The following NAALADL2 variants were observed in gnomAD, a reference collection of about 807,000 sequenced individuals.
The protein encoded by NAALADL2 is N-acetylated alpha-linked acidic dipeptidase like 2.
Under a neutral mutation model 87.2 loss-of-function variants are expected in NAALADL2, and 76 were observed. The observed-to-expected ratio is 0.87, with a 90% confidence interval of 0.72 to 1.05. The LOEUF is 1.05. NAALADL2 is among the 50% of genes least tolerant of loss of function. NAALADL2 has a pLI of 0.00. For synonymous variants in NAALADL2, 354 were observed against 331.0 expected, an observed-to-expected ratio of 1.07 and a Z score of -0.75; for missense variants, 1,089 against 945.8, an observed-to-expected ratio of 1.15 and a Z score of -1.99.
At chr3:174,997,057 TA>T (rs1451122878) in intron 1 of NAALADL2, among the ~76,000 whole-genome samples, 14 of 143,316 alleles carry the variant, frequency 9.8e-5, no homozygotes, top group South Asian at 6.5e-4. Flanking sequence ...TATATATATA[TA>T]TTTTTTTTTT....
chr3:174,846,650 A>G (rs906610634), intron 3 of NAALADL2, among the ~76,000 whole-genome samples: 3 of 152,224 alleles, frequency 2.0e-5, no homozygotes, highest in African/African-American at 7.2e-5. Flanking sequence ...TTATGTATGT[A>G]TGATATATTC....
chr3:175,378,056 C>T (rs1332600855), intron 5 of NAALADL2, among the ~76,000 whole-genome samples: 1 of 149,734 alleles, frequency 6.7e-6, no homozygotes, highest in African/African-American at 2.5e-5. Flanking sequence ...GAGCTGTTAA[C>T]ACTTAAGCCG....
chr3:174,596,473 C>G (rs2108598465), intron 2 of NAALADL2, among the ~76,000 whole-genome samples: 1 of 152,264 alleles, frequency 6.6e-6, no homozygotes, highest in Non-Finnish European at 1.5e-5. Context: ...TTAGCTGTAT[C>G]AGAACCACTT....
chr3:174,686,273 T>C (rs563699857), intron 2 of NAALADL2, among the ~76,000 whole-genome samples: 6 of 152,304 alleles, frequency 3.9e-5, no homozygotes, highest in African/African-American at 1.4e-4. Flanking sequence ...TGAACTAATT[T>C]ACACTCCCAC....
At chr3:175,259,107 C>T (rs1750577949) in intron 4 of NAALADL2, among the ~76,000 whole-genome samples, 1 of 152,150 alleles carries the variant, frequency 6.6e-6, no homozygotes, top group Non-Finnish European at 1.5e-5. Context: ...GATCCAAAGG[C>T]AGCTTTAAAC....
rs1560510672 is a variant in NAALADL2, at chr3:175,412,929, T to TA, written c.1091-34300_1091-34299insA. Among the ~76,000 whole-genome samples, 495 of 146,612 alleles carry TA rather than the reference T, an allele frequency of 3.4e-3. 4 individuals are homozygous for TA. The highest frequency in any genetic ancestry group is 0.011 in the African/African-American group (454 of 40,350). ...TTATTATTATTATTATTATTATTAT[T>TA]TTTGAGACGGAGTCTCCCTCTGTCT... On this transcript the variant is annotated intron_variant, in intron 5 of 13. Transcript: ENST00000454872.
intron 3 of NAALADL2, among the ~76,000 whole-genome samples, chr3:175,243,440 T>G (rs1560219374): frequency 6.6e-6 from 1 of 151,404 alleles, no homozygotes; most frequent in African/African-American, 2.4e-5. Flanking sequence ...CTCCCACAGT[T>G]CCTCAGGAAA....
chr3:175,269,153 G>C (rs1275819798), intron 4 of NAALADL2, among the ~76,000 whole-genome samples: 1 of 151,908 alleles, frequency 6.6e-6, no homozygotes, highest in South Asian at 2.1e-4. Context: ...TGACCGGGCT[G>C]GTCTTGAACT....
chr3:175,667,163 AAGAAAGAAAGAAAGAAAG>A (rs1733135262), intron 11 of NAALADL2, among the ~76,000 whole-genome samples: 2 of 134,648 alleles, frequency 1.5e-5, no homozygotes, highest in South Asian at 2.3e-4. Context: ...GAGAAAGAAA[AAGAAAGAAAGAAAGAAAG>A]AGAAAGAAAG....
chr3:175,437,845 A>G (rs1175241509), intron 5 of NAALADL2, among the ~76,000 whole-genome samples: 2 of 152,138 alleles, frequency 1.3e-5, no homozygotes, highest in Non-Finnish European at 1.5e-5. Context: ...ATTTTGCTTT[A>G]CAAATGGGAA....
At chr3:175,299,637 T>C (rs914536117) in intron 4 of NAALADL2, among the ~76,000 whole-genome samples, 2 of 152,220 alleles carry the variant, frequency 1.3e-5, no homozygotes, top group African/African-American at 4.8e-5. Context: ...TTTTTGCACA[T>C]TGATTTTGTA....
At chr3:175,007,656 C>T (rs1459889809) in intron 1 of NAALADL2, among the ~76,000 whole-genome samples, 1 of 152,118 alleles carries the variant, frequency 6.6e-6, no homozygotes, top group Non-Finnish European at 1.5e-5. Context: ...TTGGGGGATA[C>T]ATTCCAAGAC....
At chr3:174,599,748 C>A (rs1484559850) in intron 2 of NAALADL2, among the ~76,000 whole-genome samples, 2 of 152,108 alleles carry the variant, frequency 1.3e-5, no homozygotes, top group Non-Finnish European at 2.9e-5. Context: ...CCTTCCCCTG[C>A]CGTAAAACAG....
At chr3:175,791,879 C>A (rs1752824309) in intron 13 of NAALADL2, among the ~76,000 whole-genome samples, 1 of 146,782 alleles carries the variant, frequency 6.8e-6, no homozygotes, top group African/African-American at 2.5e-5. Context: ...TCACAGCTGA[C>A]AGTGTGGAAT....
Position 175,447,346 on chromosome 3 carries a change from G to A in NAALADL2, c.1208G>A (p.Cys403Tyr). 1 of 1,592,968 alleles carries A rather than the reference G, an allele frequency of 6.3e-7. No individual in the cohort carries two copies. The highest frequency in any genetic ancestry group is 8.6e-7 in the Non-Finnish European group (1 of 1,169,232). Residue 403 changes from cysteine (C) to tyrosine (Y), a missense_variant, in exon 6 of 14, where the codon TGT (cysteine) becomes TAT (tyrosine). Cys to Tyr is a radical substitution (Grantham distance 194, BLOSUM62 -2). Transcript: ENST00000454872. Reference sequence around the variant, plus strand: ...AAAGCTAGAACCAAAAATGAAGCGTGTAGCTCTCTAGAGCTTCCAAATAAT... The same window carrying A: ...AAAGCTAGAACCAAAAATGAAGCGTATAGCTCTCTAGAGCTTCCAAATAAT... ...SPKARTKNEA[C>Y]SSLELPNNEI...
chr3:174,904,357 T>C (rs1732723011), intron 1 of NAALADL2, among the ~76,000 whole-genome samples: 1 of 151,916 alleles, frequency 6.6e-6, no homozygotes, highest in African/African-American at 2.4e-5. Context: ...GTTCTGTATA[T>C]CTGCCAATGA....
At chr3:175,203,001 C>T (rs1740283957) in intron 2 of NAALADL2, among the ~76,000 whole-genome samples, 1 of 152,050 alleles carries the variant, frequency 6.6e-6, no homozygotes, top group African/African-American at 2.4e-5. Context: ...AGCCCCAAGT[C>T]TGTTTCCAGG....
chr3:175,402,175 A>G (rs1364065003), intron 5 of NAALADL2, among the ~76,000 whole-genome samples: 1 of 152,116 alleles, frequency 6.6e-6, no homozygotes, highest in Non-Finnish European at 1.5e-5. Context: ...ACTGAATGGG[A>G]ACCAGTTTGA....
intron 1 of NAALADL2, among the ~76,000 whole-genome samples, chr3:174,905,783 A>C (rs1732888478): frequency 6.6e-6 from 1 of 151,998 alleles, no homozygotes; most frequent in Admixed American, 6.6e-5. Context: ...GGGGCAACCG[A>C]CTTCTGAGAG....
Sources: allele counts gnomAD v4.1 joint callset (sites outside exome capture counted in the v4.1 genomes callset), GRCh38; gene constraint gnomAD v4.1.1; transcripts MANE v1.5; gene names NCBI Gene and HGNC (gene_info 2026-07-23, HGNC 2026-07-21).